The following MAP4K3 variants were observed in gnomAD, a reference collection of about 807,000 sequenced individuals.
MAP4K3 encodes mitogen-activated protein kinase kinase kinase kinase 3, also known as MAPK/ERK kinase kinase kinase 3.
MAP4K3 carries 94 observed loss-of-function variants against 143.5 expected under a neutral mutation model. The ratio of observed to expected loss-of-function variants is 0.65; its 90% CI spans 0.55 to 0.78. The LOEUF (loss-of-function observed/expected upper bound fraction) is 0.78. Ranked by LOEUF, MAP4K3 falls within the 30% of genes least tolerant of loss-of-function variation. MAP4K3 has a pLI of 0.00. For missense variants in MAP4K3, 1,077 were observed against 1,068.1 expected, an observed-to-expected ratio of 1.01 and a Z score of -0.12; for synonymous variants, 416 against 347.2, an observed-to-expected ratio of 1.20 and a Z score of -2.20.
chr2:39,265,345 C>T, intron 27 of MAP4K3, 39 bp from the exon 28 acceptor site: 1 of 1,200,856 alleles, frequency 8.3e-7, no homozygotes, highest in Non-Finnish European at 1.2e-6. Flanking sequence ...TCTTATAAAA[C>T]AAAGTCATTA....
chr2:39,346,370 G>C (rs1043924534), intron 3 of MAP4K3, among the ~76,000 whole-genome samples: 1 of 152,036 alleles, frequency 6.6e-6, no homozygotes, highest in African/African-American at 2.4e-5. Context: ...TTGTCTACCT[G>C]GTTCAATGAC....
intron 21 of MAP4K3, among the ~76,000 whole-genome samples, 183 bp from the exon 22 acceptor site, chr2:39,282,737 C>G (rs1558620413): frequency 6.6e-6 from 1 of 152,176 alleles, no homozygotes; most frequent in Non-Finnish European, 1.5e-5. Context: ...GTACTTGCCC[C>G]AGAAAAACTA....
intron 2 of MAP4K3, among the ~76,000 whole-genome samples, chr2:39,375,229 A>G (rs182345425): frequency 1.3e-5 from 2 of 152,136 alleles, no homozygotes; most frequent in East Asian, 3.9e-4. Context: ...ACTGCACTCC[A>G]GCCTGGGCTA....
chr2:39,270,180 T>C (rs925350814), intron 26 of MAP4K3, among the ~76,000 whole-genome samples: 16 of 152,182 alleles, frequency 1.1e-4, no homozygotes, highest in African/African-American at 3.6e-4. Flanking sequence ...GGATGACTAC[T>C]ACACAAACAG....
chr2:39,288,621 CT>C (rs1219754148), intron 19 of MAP4K3, among the ~76,000 whole-genome samples: 1 of 152,164 alleles, frequency 6.6e-6, no homozygotes, highest in Non-Finnish European at 1.5e-5. Context: ...AAATCAATCT[CT>C]TTTTATTTCA....
At chr2:39,281,874 C>G (rs961732296) in intron 22 of MAP4K3, among the ~76,000 whole-genome samples, 3 of 151,172 alleles carry the variant, frequency 2.0e-5, no homozygotes, top group Non-Finnish European at 2.9e-5. Flanking sequence ...AAAGTATACT[C>G]TGTGCTAATT....
At chr2:39,277,659 G>C (rs1380282370) in intron 24 of MAP4K3, among the ~76,000 whole-genome samples, 1 of 151,836 alleles carries the variant, frequency 6.6e-6, no homozygotes, top group Admixed American at 6.6e-5. Flanking sequence ...CCTCCTCCCG[G>C]GTTCAAGTGA....
At chr2:39,268,556 G>A (rs1021326601) in intron 26 of MAP4K3, among the ~76,000 whole-genome samples, 4 of 151,314 alleles carry the variant, frequency 2.6e-5, no homozygotes, top group African/African-American at 9.7e-5. Flanking sequence ...CCTGAGCTCA[G>A]GTGATCCGTC....
At chr2:39,263,220 T>A (rs1680634003) in intron 28 of MAP4K3, among the ~76,000 whole-genome samples, 1 of 151,658 alleles carries the variant, frequency 6.6e-6, no homozygotes, top group Non-Finnish European at 1.5e-5. Context: ...AGAAACATCA[T>A]AAATACTGAT....
chr2:39,356,196 G>T, intron 3 of MAP4K3, 53 bp downstream of exon 3: 2 of 1,010,990 alleles, frequency 2.0e-6, no homozygotes, highest in Admixed American at 2.3e-5. Flanking sequence ...TTTGTTTAAT[G>T]CATTAGGTGA....
At chr2:39,332,285 TGCC>T (rs1558651249) in intron 7 of MAP4K3, among the ~76,000 whole-genome samples, 12 of 152,048 alleles carry the variant, frequency 7.9e-5, no homozygotes, top group Non-Finnish European at 1.8e-4. Context: ...GAATGTAAAT[TGCC>T]AAACTTATTA....
chr2:39,384,147 T>C (rs1475327720), intron 1 of MAP4K3, among the ~76,000 whole-genome samples: 2 of 151,314 alleles, frequency 1.3e-5, no homozygotes, highest in Non-Finnish European at 2.9e-5. Flanking sequence ...CAGAGTTGAG[T>C]AGCTAAGACA....
chr2:39,342,487 T>C (rs1665172415), intron 4 of MAP4K3, among the ~76,000 whole-genome samples: 1 of 152,208 alleles, frequency 6.6e-6, no homozygotes, highest in African/African-American at 2.4e-5. Flanking sequence ...TGTAAGTAGC[T>C]TATTTTCTTT....
chr2:39,414,446 G>C (rs901813413), intron 1 of MAP4K3, among the ~76,000 whole-genome samples: 29 of 152,154 alleles, frequency 1.9e-4, no homozygotes, highest in African/African-American at 6.8e-4. Context: ...TTTTTTAGAA[G>C]AATACATTTT....
chr2:39,266,333 T>A (rs1438459902), intron 27 of MAP4K3, among the ~76,000 whole-genome samples: 2 of 152,220 alleles, frequency 1.3e-5, no homozygotes, highest in Non-Finnish European at 2.9e-5. Context: ...CCCTGCTATT[T>A]GCACTGCTAC....
At chr2:39,336,614 C>T (rs1414611989) in intron 6 of MAP4K3, among the ~76,000 whole-genome samples, 1 of 148,370 alleles carries the variant, frequency 6.7e-6, no homozygotes, top group African/African-American at 2.5e-5. Context: ...TTACTAAAAA[C>T]TATAACTTGA....
intron 19 of MAP4K3, among the ~76,000 whole-genome samples, chr2:39,288,743 G>C (rs973851841): frequency 3.3e-5 from 5 of 152,168 alleles, no homozygotes; most frequent in Admixed American, 6.5e-5. Flanking sequence ...AGGGGCATGA[G>C]AGGATACCAA....
At chr2:39,425,638 A>G (rs890139849) in intron 1 of MAP4K3, among the ~76,000 whole-genome samples, 1 of 152,132 alleles carries the variant, frequency 6.6e-6, no homozygotes, top group African/African-American at 2.4e-5. Context: ...CTTGATCTTG[A>G]ATGTCTAGCC....
chr2:39,356,724 C>G (rs1409418233), intron 2 of MAP4K3, among the ~76,000 whole-genome samples: 1 of 152,124 alleles, frequency 6.6e-6, no homozygotes, highest in African/African-American at 2.4e-5. Flanking sequence ...ATGTAAAATG[C>G]TTAGAACAGT....
Sources: allele counts gnomAD v4.1 joint callset (sites outside exome capture counted in the v4.1 genomes callset), GRCh38; gene constraint gnomAD v4.1.1; transcripts MANE v1.5; gene names NCBI Gene and HGNC (gene_info 2026-07-23, HGNC 2026-07-21).